CADPS: variants seen among roughly 807,000 people sequenced by gnomAD.
CADPS encodes calcium dependent secretion activator.
CADPS carries 57 observed loss-of-function variants against 167.3 expected under a neutral mutation model. The ratio of observed to expected loss-of-function variants is 0.34; its 90% CI spans 0.28 to 0.42. The LOEUF (loss-of-function observed/expected upper bound fraction) is 0.42, where lower values mean the gene tolerates loss of function less well. Ranked by LOEUF, CADPS falls within the 20% of genes least tolerant of loss-of-function variation. CADPS has a pLI of 1.00. For missense variants in CADPS, 1,414 were observed against 1,738.1 expected, an observed-to-expected ratio of 0.81 and a Z score of 3.32; for synonymous variants, 676 against 635.3, an observed-to-expected ratio of 1.06 and a Z score of -0.96.
chr3:62,487,220 A>G (rs984033508), intron 21 of CADPS, among the ~76,000 whole-genome samples: 2 of 152,214 alleles, frequency 1.3e-5, no homozygotes, highest in African/African-American at 4.8e-5. Context: ...GGGAAAAGGT[A>G]GTAGGCAAGG....
chr3:62,700,672 G>A (rs1298116869), intron 3 of CADPS, among the ~76,000 whole-genome samples: 1 of 152,108 alleles, frequency 6.6e-6, no homozygotes, highest in Middle Eastern at 3.4e-3. Context: ...TGCACTTCAC[G>A]TGCTTTGTCT....
intron 1 of CADPS, among the ~76,000 whole-genome samples, chr3:62,778,305 T>A (rs1007760356): frequency 3.9e-5 from 6 of 152,240 alleles, no homozygotes; most frequent in Non-Finnish European, 8.8e-5. Context: ...TCGAGATCAT[T>A]GTCCCTGTGG....
At chr3:62,596,808 T>G (rs182419162) in intron 6 of CADPS, among the ~76,000 whole-genome samples, 1 of 152,132 alleles carries the variant, frequency 6.6e-6, no homozygotes, top group Non-Finnish European at 1.5e-5. Flanking sequence ...CACTGCCCTT[T>G]CTACTACACA....
At chr3:62,539,404 C>G (rs1236232568) in intron 11 of CADPS, among the ~76,000 whole-genome samples, 2 of 152,038 alleles carry the variant, frequency 1.3e-5, no homozygotes, top group Non-Finnish European at 2.9e-5. Flanking sequence ...ATCATTTACT[C>G]AAAATTGGGC....
chr3:62,701,246 GA>G (rs2081331758), intron 3 of CADPS, among the ~76,000 whole-genome samples: 1 of 152,102 alleles, frequency 6.6e-6, no homozygotes, highest in South Asian at 2.1e-4. Flanking sequence ...TTTAGGACAA[GA>G]AAAAGAGGGA....
At position 62,720,358 on chromosome 3, in the gene CADPS, G is replaced by C. The variant is rs554107297; in HGVS notation, c.888+33083C>G. On this transcript the variant is annotated intron_variant, in intron 3 of 29. Coordinates refer to ENST00000383710, the MANE Select transcript of CADPS (RefSeq NM_003716.4). ...GTTTGTTTGTTTTTTTTTGAAACAC[G>C]GTATCGCTCTGTCACTCAGACTGCA... Among the ~76,000 whole-genome samples the C allele has an allele frequency of 1.5e-4, 21 of 141,384 alleles. No homozygotes were observed. The South Asian group carries it at 4.5e-3, about 30-fold the overall frequency. The allele number at this position is 141,384 out of a possible 152,430, so 92.8% of individuals were successfully genotyped here.
chr3:62,570,802 T>C, intron 9 of CADPS, 70 bp downstream of exon 9: 1 of 1,055,278 alleles, frequency 9.5e-7, no homozygotes, highest in African/African-American at 1.6e-5. Context: ...TATACCTCAG[T>C]TAAAAAGCAT....
At chr3:62,432,503 C>G (rs1282686327) in intron 28 of CADPS, among the ~76,000 whole-genome samples, 1 of 152,110 alleles carries the variant, frequency 6.6e-6, no homozygotes, top group Non-Finnish European at 1.5e-5. Flanking sequence ...GGGTTAATGT[C>G]TTAAAGTGAT....
chr3:62,665,858 T>C (rs2074304583), intron 3 of CADPS, among the ~76,000 whole-genome samples: 1 of 152,144 alleles, frequency 6.6e-6, no homozygotes, highest in African/African-American at 2.4e-5. Flanking sequence ...AGACCTGAGG[T>C]TGTCATGAGA....
intron 8 of CADPS, among the ~76,000 whole-genome samples, chr3:62,580,710 G>A (rs1303654447): frequency 6.6e-6 from 1 of 152,120 alleles, no homozygotes; most frequent in Non-Finnish European, 1.5e-5. Context: ...GCAGTGGGAA[G>A]ACATATTACA....
intron 13 of CADPS, among the ~76,000 whole-genome samples, chr3:62,526,147 T>G (rs1030963176): frequency 9.2e-5 from 14 of 152,144 alleles, no homozygotes. Flanking sequence ...TGAGTTCCAT[T>G]TGATTGTTTG....
At chr3:62,749,805 T>C (rs537524184) in intron 3 of CADPS, among the ~76,000 whole-genome samples, 1 of 152,284 alleles carries the variant, frequency 6.6e-6, no homozygotes, top group East Asian at 1.9e-4. Context: ...AAAGCTGCTG[T>C]GGTCAGTCTG....
chr3:62,536,409 A>G, intron 12 of CADPS, 36 bp downstream of exon 12: 1 of 1,567,762 alleles, frequency 6.4e-7, no homozygotes, highest in Non-Finnish European at 8.7e-7. Context: ...AAAAAATGTT[A>G]TGTTTAAATT....
intron 27 of CADPS, chr3:62,439,393 C>G (rs2055832823): frequency 6.6e-6 from 1 of 152,116 alleles, no homozygotes; most frequent in Non-Finnish European, 1.5e-5. Flanking sequence ...AGTAACATTT[C>G]TTAACACCTG....
In CADPS at chr3:62,544,401, C is replaced by T. The variant is rs555981917; in HGVS notation, c.1966+5502G>A. On this transcript the variant is annotated intron_variant, in intron 11 of 29. Transcript: ENST00000383710. This position sits in a 1 kb window ranked among gnomAD's most constrained non-coding sequence, Gnocchi z 4.4. ...CCACACCACTGGTACTCTGACCATT[C>T]GAATCTTTGGAATGGGAAAGGAAAA... is the stretch of plus-strand genomic sequence containing the variant. Among the ~76,000 whole-genome samples, 7 of 151,772 alleles carry T rather than the reference C, an allele frequency of 4.6e-5. No individual in the cohort carries two copies. Among genetic ancestry groups the T allele is most frequent in the Non-Finnish European group, 8.8e-5 (6 of 67,968 alleles).
chr3:62,596,613 C>T (rs1479962561), intron 6 of CADPS, among the ~76,000 whole-genome samples: 2 of 152,122 alleles, frequency 1.3e-5, no homozygotes, highest in Non-Finnish European at 2.9e-5. Flanking sequence ...ATTCAAAATC[C>T]TCTCTAGCTA....
At chr3:62,709,734 T>G (rs181287631) in intron 3 of CADPS, among the ~76,000 whole-genome samples, 59 of 152,100 alleles carry the variant, frequency 3.9e-4, no homozygotes, top group Non-Finnish European at 7.4e-5. Context: ...ACACTGAAGA[T>G]GGAGGACCAC....
At chr3:62,665,753 A>G (rs1201709895) in intron 3 of CADPS, among the ~76,000 whole-genome samples, 1 of 152,142 alleles carries the variant, frequency 6.6e-6, no homozygotes, top group Non-Finnish European at 1.5e-5. Context: ...GTGTGTCCTT[A>G]TCCTGGTTGT....
At chr3:62,820,785 C>CTT (rs200507595) in intron 1 of CADPS, among the ~76,000 whole-genome samples, 36 of 76,932 alleles carry the variant, frequency 4.7e-4, no homozygotes, top group African/African-American at 1.3e-3. Flanking sequence ...CTTTCTTCCT[C>CTT]TTTTTTTTGG....
Sources: allele counts gnomAD v4.1 joint callset (sites outside exome capture counted in the v4.1 genomes callset), GRCh38; gene constraint gnomAD v4.1.1; non-coding constraint Gnocchi (gnomAD v3.1); transcripts MANE v1.5; gene names NCBI Gene and HGNC (gene_info 2026-07-23, HGNC 2026-07-21).